Variants in SGTB observed in about 807,000 individuals in gnomAD.
SGTB encodes the protein small glutamine-rich tetratricopeptide repeat-containing protein beta.
SGTB carries 19 observed loss-of-function variants against 43.9 expected under a neutral mutation model. That is an observed-to-expected ratio of 0.43 (90% CI 0.30 to 0.63). The LOEUF (loss-of-function observed/expected upper bound fraction) is 0.63, where lower values mean the gene tolerates loss of function less well. Among genes scored for constraint, SGTB ranks in the 30% least tolerant of loss-of-function variants. The pLI, the probability that SGTB is intolerant of heterozygous loss-of-function variation, is 0.12. For synonymous variants in SGTB, 116 were observed against 117.3 expected (o/e 0.99, Z 0.07); for missense variants, 304 against 358.9 (o/e 0.85, Z 1.24).
At chr5:65,691,024 C>T (rs1757596476) in intron 5 of SGTB, among the ~76,000 whole-genome samples, 1 of 152,032 alleles carries the variant, frequency 6.6e-6, no homozygotes, top group African/African-American at 2.4e-5. Flanking sequence ...CTTATAATAC[C>T]AACTGAAGGA....
chr5:65,695,331 G>A (rs1383131407), intron 5 of SGTB, among the ~76,000 whole-genome samples: 1 of 152,186 alleles, frequency 6.6e-6, no homozygotes, highest in African/African-American at 2.4e-5. Context: ...GAAGGAGGGG[G>A]ACTGTGTTTC....
intron 3 of SGTB, among the ~76,000 whole-genome samples, chr5:65,710,441 T>C (rs982131350): frequency 1.3e-5 from 2 of 152,160 alleles, no homozygotes; most frequent in African/African-American, 4.8e-5. Context: ...CAGTTCACCA[T>C]GTGGGGGCAA....
chr5:65,677,376 C>T (rs943335038), intron 8 of SGTB, among the ~76,000 whole-genome samples: 12 of 150,470 alleles, frequency 8.0e-5, no homozygotes, highest in African/African-American at 2.9e-4. Flanking sequence ...AGCCCAGGAC[C>T]AGACGAATTC....
intron 4 of SGTB, among the ~76,000 whole-genome samples, chr5:65,705,524 G>A (rs902751073): frequency 1.3e-5 from 2 of 152,068 alleles, no homozygotes; most frequent in African/African-American, 4.8e-5. Flanking sequence ...ACATCTCAAA[G>A]GTATCTGTGA....
intron 5 of SGTB, 76 bp downstream of exon 5, chr5:65,704,203 A>G: frequency 9.2e-7 from 1 of 1,081,568 alleles, no homozygotes; most frequent in Non-Finnish European, 1.3e-6. Flanking sequence ...TAAATAATTA[A>G]GATTTGCATT....
intron 2 of SGTB, among the ~76,000 whole-genome samples, chr5:65,719,007 T>A (rs1459954625): frequency 2.0e-5 from 3 of 152,190 alleles, no homozygotes; most frequent in Non-Finnish European, 4.4e-5. Context: ...ATCAACTTTA[T>A]TTTCACATAG....
At chr5:65,695,298 T>C (rs1286269746) in intron 5 of SGTB, among the ~76,000 whole-genome samples, 4 of 152,112 alleles carry the variant, frequency 2.6e-5, no homozygotes, top group Non-Finnish European at 5.9e-5. Context: ...AGGATCAGAC[T>C]CAGAGAGAAG....
At chr5:65,677,884 C>A (rs771073338) in intron 8 of SGTB, among the ~76,000 whole-genome samples, 2 of 152,160 alleles carry the variant, frequency 1.3e-5, no homozygotes, top group Non-Finnish European at 2.9e-5. Context: ...CAGCCAATAT[C>A]ATACTGAATG....
At chr5:65,706,770 T>C (rs1757940855) in intron 4 of SGTB, among the ~76,000 whole-genome samples, 1 of 151,894 alleles carries the variant, frequency 6.6e-6, no homozygotes, top group African/African-American at 2.4e-5. Context: ...AGGCAGAGGT[T>C]GCAGTGAGCC....
At chr5:65,700,284 G>A (rs769681427) in intron 5 of SGTB, among the ~76,000 whole-genome samples, 1 of 152,186 alleles carries the variant, frequency 6.6e-6, no homozygotes, top group Non-Finnish European at 1.5e-5. Flanking sequence ...TGTACTACCT[G>A]AAGTTTAACA....
intron 6 of SGTB, 62 bp downstream of exon 6, chr5:65,685,306 C>A (rs933022348): frequency 7.1e-7 from 1 of 1,415,750 alleles, no homozygotes; most frequent in Admixed American, 1.8e-5. Flanking sequence ...CAAAACCAAG[C>A]CATTAAGAAC....
chr5:65,698,899 G>A (rs1395934603), intron 5 of SGTB, among the ~76,000 whole-genome samples: 1 of 152,176 alleles, frequency 6.6e-6, no homozygotes, highest in Non-Finnish European at 1.5e-5. Context: ...TGGCATGGAC[G>A]TGGTGAAAAG....
chr5:65,672,435 AAGAG>A (rs769108639), intron 8 of SGTB, among the ~76,000 whole-genome samples, 154 bp from the exon 9 acceptor site: 2 of 152,190 alleles, frequency 1.3e-5, no homozygotes, highest in Non-Finnish European at 1.5e-5. Context: ...GGAATGTAAA[AAGAG>A]AGAAGGTACT....
intron 10 of SGTB, among the ~76,000 whole-genome samples, chr5:65,671,652 GGGGTGGGGGGA>G (rs1757156664): frequency 2.5e-5 from 1 of 40,158 alleles, no homozygotes. Flanking sequence ...GGCGGGGGTG[GGGGTGGGGGGA>G]AGCATAATAA....
chr5:65,696,480 T>C (rs1757716970), intron 5 of SGTB, among the ~76,000 whole-genome samples: 1 of 152,230 alleles, frequency 6.6e-6, no homozygotes, highest in Admixed American at 6.5e-5. Flanking sequence ...GTTGTTGTTT[T>C]ATGTACACAA....
intron 5 of SGTB, among the ~76,000 whole-genome samples, chr5:65,693,272 C>T (rs1269076028): frequency 8.1e-6 from 1 of 122,944 alleles, no homozygotes; most frequent in African/African-American, 3.2e-5. Context: ...AAGGAAGGAA[C>T]GAAGGAGAGA....
chr5:65,700,622 A>G (rs1474337936), intron 5 of SGTB, among the ~76,000 whole-genome samples: 3 of 149,624 alleles, frequency 2.0e-5, no homozygotes, highest in Non-Finnish European at 4.4e-5. Flanking sequence ...CGGAGCTTGC[A>G]GTGAGCCAAG....
rs1757077540 is a variant in SGTB, at chr5:65,668,037, C to G, written c.*2209G>C. ...GCGCAATCTTGGCTCACTGCAACCTCTGCCTCTCAGGTTCGAGCAATTCTC... is the reference window on the plus strand; with the variant it reads ...GCGCAATCTTGGCTCACTGCAACCTGTGCCTCTCAGGTTCGAGCAATTCTC... On this transcript the variant is annotated 3_prime_UTR_variant, in exon 11 of 11. Transcript: ENST00000381007. The G allele has an allele frequency of 6.6e-6, 1 of 150,804 alleles. No individual in the cohort carries two copies. The highest frequency in any genetic ancestry group is 2.0e-4 in the East Asian group (1 of 5,068). The allele number at this position is 150,804 out of a possible 1,614,324, so 9.3% of individuals were successfully genotyped here.
intron 4 of SGTB, among the ~76,000 whole-genome samples, chr5:65,707,212 G>A (rs1046333956): frequency 2.8e-4 from 43 of 151,282 alleles, no homozygotes; most frequent in African/African-American, 9.2e-4. Context: ...GCAGTGAGCC[G>A]AGATCCTGCC....
Sources: gnomAD v4.1 joint callset for allele counts (sites outside exome capture counted in the v4.1 genomes callset) on GRCh38, gnomAD v4.1.1 for gene constraint, MANE v1.5 for transcripts, NCBI Gene and HGNC (gene_info 2026-07-23, HGNC 2026-07-21) for gene names.